The following CCBE1 variants were observed in gnomAD, a reference collection of about 807,000 sequenced individuals.
CCBE1 encodes the protein collagen and calcium-binding EGF domain-containing protein 1.
Under a neutral mutation model 50.0 loss-of-function variants are expected in CCBE1, and 37 were observed. The ratio of observed to expected loss-of-function variants is 0.74; its 90% CI spans 0.57 to 0.97. The LOEUF (loss-of-function observed/expected upper bound fraction) is 0.97, where lower values mean the gene tolerates loss of function less well. Among genes scored for constraint, CCBE1 ranks in the 50% least tolerant of loss-of-function variants. The pLI is 0.00. For missense variants in CCBE1, 538 were observed against 523.8 expected, an observed-to-expected ratio of 1.03 and a Z score of -0.26; for synonymous variants, 234 against 203.7, an observed-to-expected ratio of 1.15 and a Z score of -1.27.
intron 4 of CCBE1, among the ~76,000 whole-genome samples, chr18:59,468,785 G>A (rs762352772): frequency 4.6e-5 from 7 of 151,790 alleles, no homozygotes; most frequent in Admixed American, 6.6e-5. Flanking sequence ...AAATATGCAC[G>A]TCTGGACCCA....
intron 2 of CCBE1, among the ~76,000 whole-genome samples, chr18:59,519,215 G>T (rs1011087529): frequency 5.3e-5 from 8 of 152,210 alleles, no homozygotes; most frequent in Admixed American, 3.9e-4. Flanking sequence ...GGTCTCAGCT[G>T]TGGTCCAGCT....
chr18:59,523,617 G>T (rs1003081673), intron 2 of CCBE1, among the ~76,000 whole-genome samples: 3 of 152,024 alleles, frequency 2.0e-5, no homozygotes, highest in African/African-American at 7.3e-5. Context: ...ACCTTATAAC[G>T]AATTAGCACT....
intron 2 of CCBE1, among the ~76,000 whole-genome samples, chr18:59,554,372 CT>C (rs769324846): frequency 2.0e-5 from 3 of 152,160 alleles, no homozygotes; most frequent in African/African-American, 7.2e-5. Flanking sequence ...GATTTTCTAC[CT>C]TTTGTTTCTG....
intron 2 of CCBE1, among the ~76,000 whole-genome samples, chr18:59,498,823 A>G (rs1913477950): frequency 6.6e-6 from 1 of 152,152 alleles, no homozygotes; most frequent in African/African-American, 2.4e-5. Flanking sequence ...ATGCATTTCT[A>G]TTTCATGTGG....
chr18:59,596,943 AC>A (rs1461567289), intron 2 of CCBE1, among the ~76,000 whole-genome samples: 10 of 152,288 alleles, frequency 6.6e-5, no homozygotes, highest in Non-Finnish European at 1.5e-4. Flanking sequence ...ATGGACCAAC[AC>A]AGCAAAGTAA....
At chr18:59,516,611 T>G (rs1914384504) in intron 2 of CCBE1, among the ~76,000 whole-genome samples, 1 of 152,192 alleles carries the variant, frequency 6.6e-6, no homozygotes, top group Admixed American at 6.5e-5. Flanking sequence ...CTGTTATGAC[T>G]CATCTTCAGG....
At chr18:59,531,222 A>G (rs1181411747) in intron 2 of CCBE1, among the ~76,000 whole-genome samples, 1 of 152,006 alleles carries the variant, frequency 6.6e-6, no homozygotes, top group African/African-American at 2.4e-5. Flanking sequence ...GAGAACTCCC[A>G]ACATTGAGAA....
chr18:59,578,973 A>C (rs1351245138), intron 2 of CCBE1, among the ~76,000 whole-genome samples: 1 of 152,232 alleles, frequency 6.6e-6, no homozygotes, highest in African/African-American at 2.4e-5. Flanking sequence ...GATACTTTTT[A>C]TCAGAAAAAA....
At chr18:59,477,776 A>C (rs1912382769) in intron 3 of CCBE1, among the ~76,000 whole-genome samples, 1 of 152,200 alleles carries the variant, frequency 6.6e-6, no homozygotes, top group Admixed American at 6.5e-5. Flanking sequence ...TTCATGCAGC[A>C]TAGTTGCAGC....
chr18:59,456,038 TCCA>T (rs1038379582), intron 5 of CCBE1, among the ~76,000 whole-genome samples: 3 of 152,214 alleles, frequency 2.0e-5, no homozygotes, highest in African/African-American at 7.2e-5. Context: ...CTGTTCCATC[TCCA>T]CTTGTTGAAT....
chr18:59,502,499 G>A (rs962067304), intron 2 of CCBE1, among the ~76,000 whole-genome samples: 5 of 152,152 alleles, frequency 3.3e-5, no homozygotes, highest in Admixed American at 1.3e-4. Flanking sequence ...TTAAGGAGCC[G>A]TCAGCCAGAT....
At chr18:59,684,893 G>A (rs903560514) in intron 2 of CCBE1, among the ~76,000 whole-genome samples, 1 of 152,170 alleles carries the variant, frequency 6.6e-6, no homozygotes, top group East Asian at 1.9e-4. Context: ...GGGGTGGAGG[G>A]TGAGGGGTTG....
intron 2 of CCBE1, among the ~76,000 whole-genome samples, chr18:59,552,927 A>G (rs1915981131): frequency 6.6e-6 from 1 of 152,238 alleles, no homozygotes; most frequent in Non-Finnish European, 1.5e-5. Flanking sequence ...CTGTCCAGCC[A>G]TACAAAGATA....
At chr18:59,469,359 T>C in intron 4 of CCBE1, 114 bp downstream of exon 4, 2 of 1,381,192 alleles carry the variant, frequency 1.4e-6, no homozygotes, top group South Asian at 1.2e-5. Flanking sequence ...CCTAGGATAA[T>C]ATCAAACACA....
intron 2 of CCBE1, among the ~76,000 whole-genome samples, chr18:59,640,714 G>A (rs2053975808): frequency 6.6e-6 from 1 of 152,032 alleles, no homozygotes; most frequent in Non-Finnish European, 1.5e-5. Context: ...TTACAACATG[G>A]GAGAAAATAT....
intron 2 of CCBE1, chr18:59,686,221 T>C (rs940365681): frequency 4.6e-5 from 7 of 152,192 alleles, no homozygotes; most frequent in African/African-American, 1.7e-4. Context: ...TTGGGGTCAG[T>C]GGGAATGATT....
At chr18:59,571,952 A>C (rs9965124) in intron 2 of CCBE1, among the ~76,000 whole-genome samples, 2,459 of 152,312 alleles carry the variant, frequency 0.016, 58 homozygotes, top group African/African-American at 0.055. Context: ...AGACTACTGG[A>C]AATTCTAGTC....
chr18:59,467,792 A>G (rs1009631801), intron 4 of CCBE1, among the ~76,000 whole-genome samples: 1 of 152,138 alleles, frequency 6.6e-6, no homozygotes, highest in African/African-American at 2.4e-5. Context: ...GGATGGCAAC[A>G]ACTTCCCAGC....
intron 2 of CCBE1, chr18:59,666,237 G>C (rs760516244): frequency 6.6e-6 from 1 of 152,026 alleles, no homozygotes; most frequent in Non-Finnish European, 1.5e-5. Flanking sequence ...TCATGAGAAC[G>C]GCACGGGAAA....
Sources: gnomAD v4.1 joint callset for allele counts (sites outside exome capture counted in the v4.1 genomes callset) on GRCh38, gnomAD v4.1.1 for gene constraint, MANE v1.5 for transcripts, NCBI Gene and HGNC (gene_info 2026-07-23, HGNC 2026-07-21) for gene names.